Variants in CTNND2 observed in about 807,000 individuals in gnomAD.
CTNND2 encodes catenin delta-2.
CTNND2 carries 22 observed loss-of-function variants against 144.4 expected under a neutral mutation model. The ratio of observed to expected loss-of-function variants is 0.15; its 90% CI spans 0.11 to 0.22. CTNND2 has a LOEUF of 0.22. Among genes scored for constraint, CTNND2 ranks in the 10% least tolerant of loss-of-function variants. The pLI is 1.00. For synonymous variants in CTNND2, 751 were observed against 695.6 expected, an observed-to-expected ratio of 1.08 and a Z score of -1.25; for missense variants, 1,353 against 1,618.8, an observed-to-expected ratio of 0.84 and a Z score of 2.82.
rs1735913178 is a variant in CTNND2 at position 10,972,093 on chromosome 5, C to CAGTT, written c.*1356_*1359dup. ...AAAAAGTTTGGGGGAATAAGGCGAG[C>CAGTT]AGTTTACATTTTCTGTGGATACTTC... On this transcript the variant is annotated 3_prime_UTR_variant, in exon 22 of 22. Coordinates refer to ENST00000304623, the MANE Select transcript of CTNND2 (RefSeq NM_001332.4). 1 of 152,610 alleles carries CAGTT rather than the reference C, an allele frequency of 6.6e-6. No homozygotes were observed. Among genetic ancestry groups the CAGTT allele is most frequent in the African/African-American group, 2.4e-5 (1 of 41,434 alleles). 9.5% of individuals were successfully genotyped at this position (152,610 alleles called of 1,614,324 possible).
intron 15 of CTNND2, among the ~76,000 whole-genome samples, chr5:11,085,270 A>G (rs1750008950): frequency 1.3e-5 from 2 of 152,200 alleles, no homozygotes; most frequent in Non-Finnish European, 2.9e-5. Flanking sequence ...TGTTTTCCCT[A>G]AGAAAGAAAG....
chr5:11,881,851 A>T (rs374641904), intron 1 of CTNND2, among the ~76,000 whole-genome samples: 21 of 152,120 alleles, frequency 1.4e-4, no homozygotes, highest in African/African-American at 5.1e-4. Context: ...ATTTCCACCG[A>T]CAGTGTAAAA....
chr5:11,645,712 G>A (rs2126519747), intron 2 of CTNND2, among the ~76,000 whole-genome samples: 2 of 152,086 alleles, frequency 1.3e-5, no homozygotes, highest in East Asian at 3.9e-4. Flanking sequence ...TTTAGACCAG[G>A]GAAATAAAAA....
intron 15 of CTNND2, 134 bp downstream of exon 15, chr5:11,098,441 C>G: frequency 1.3e-6 from 1 of 750,240 alleles, no homozygotes; most frequent in Non-Finnish European, 2.1e-6. Context: ...TAAAACAGTT[C>G]AATATAATTT....
At chr5:11,318,732 C>T (rs970501172) in intron 9 of CTNND2, among the ~76,000 whole-genome samples, 10 of 152,014 alleles carry the variant, frequency 6.6e-5, no homozygotes, top group African/African-American at 2.4e-4. Context: ...TACAACGATG[C>T]CCTCTTTCTT....
intron 15 of CTNND2, among the ~76,000 whole-genome samples, chr5:11,091,380 T>C (rs192701899): frequency 6.6e-6 from 1 of 152,358 alleles, no homozygotes; most frequent in African/African-American, 2.4e-5. Flanking sequence ...TTTAAAATGT[T>C]TTGAACACAT....
chr5:11,845,380 C>A (rs562035092), intron 1 of CTNND2, among the ~76,000 whole-genome samples: 7 of 152,222 alleles, frequency 4.6e-5, no homozygotes, highest in African/African-American at 1.7e-4. Context: ...CATCATAACC[C>A]CCAGTACCTC....
chr5:11,579,673 A>G (rs1373906200), intron 2 of CTNND2, among the ~76,000 whole-genome samples: 1 of 152,242 alleles, frequency 6.6e-6, no homozygotes, highest in Non-Finnish European at 1.5e-5. Flanking sequence ...GCTCAACTCC[A>G]TTAAACCGAG....
At chr5:11,287,355 C>G (rs977136001) in intron 9 of CTNND2, among the ~76,000 whole-genome samples, 23 of 152,234 alleles carry the variant, frequency 1.5e-4, no homozygotes, top group African/African-American at 5.5e-4. Context: ...GACTTGAACT[C>G]TCCCTTGAGT....
chr5:11,801,188 G>A (rs960320210), intron 1 of CTNND2, among the ~76,000 whole-genome samples: 5 of 152,168 alleles, frequency 3.3e-5, no homozygotes, highest in Admixed American at 6.5e-5. Flanking sequence ...TGTCTTGTTA[G>A]CTGATGGGTA....
intron 9 of CTNND2, among the ~76,000 whole-genome samples, chr5:11,329,819 T>A (rs1350207397): frequency 6.6e-6 from 1 of 152,188 alleles, no homozygotes; most frequent in Non-Finnish European, 1.5e-5. Context: ...CCTGCCATGG[T>A]CCCAAAGCAG....
At chr5:11,392,443 C>A (rs1468737238) in intron 6 of CTNND2, among the ~76,000 whole-genome samples, 1 of 152,174 alleles carries the variant, frequency 6.6e-6, no homozygotes, top group African/African-American at 2.4e-5. Context: ...TACATGAGCA[C>A]CCGCAAAAAT....
intron 3 of CTNND2, among the ~76,000 whole-genome samples, chr5:11,543,165 T>C (rs548072968): frequency 1.4e-3 from 210 of 152,280 alleles, no homozygotes; most frequent in Non-Finnish European, 2.6e-3. Flanking sequence ...GGGCAACCAA[T>C]ATGGGCAGGG....
At chr5:11,307,052 G>A (rs1304069265) in intron 9 of CTNND2, among the ~76,000 whole-genome samples, 1 of 152,006 alleles carries the variant, frequency 6.6e-6, no homozygotes, top group African/African-American at 2.4e-5. Flanking sequence ...CCCCTGAGGT[G>A]GCCATGGGCT....
rs1750132161 is a variant in CTNND2, at chr5:11,305,815, T to C, written c.1628+40557A>G. Among the ~76,000 whole-genome samples, 3 of 152,312 alleles carry C rather than the reference T, an allele frequency of 2.0e-5. No individual in the cohort carries two copies. The South Asian group carries it at 6.2e-4, about 32-fold the overall frequency. On this transcript the variant is annotated intron_variant, in intron 9 of 21. Transcript: ENST00000304623. ...AGAACGTGTTCTTCTCGAGCGCATCTGAGAGATGAGTAGGGTTGGCCAAGT... is the reference window on the plus strand; with the variant it reads ...AGAACGTGTTCTTCTCGAGCGCATCCGAGAGATGAGTAGGGTTGGCCAAGT...
intron 12 of CTNND2, among the ~76,000 whole-genome samples, chr5:11,130,407 AG>A (rs1755472251): frequency 6.6e-6 from 1 of 152,162 alleles, no homozygotes; most frequent in Non-Finnish European, 1.5e-5. Flanking sequence ...GTTCCAGAGA[AG>A]CCCAGAGCGG....
chr5:11,771,978 T>G lies in CTNND2; in HGVS notation c.38-39706A>C, dbSNP rs761857176. ...GGTACTAGGATTTTCTAGTCAAGTT[T>G]GCTGATCCAAAGGACAGTTACTTCA... On this transcript the variant is annotated intron_variant, in intron 1 of 21. Transcript: ENST00000304623. Among the ~76,000 whole-genome samples the G allele has an allele frequency of 2.0e-5, 3 of 152,224 alleles. No homozygotes were observed. The East Asian group carries it at 5.8e-4, about 29-fold the overall frequency.
chr5:11,894,317 A>G (rs1240715792), intron 1 of CTNND2, among the ~76,000 whole-genome samples: 1 of 152,200 alleles, frequency 6.6e-6, no homozygotes, highest in Non-Finnish European at 1.5e-5. Flanking sequence ...AGGAAAAAAT[A>G]CAAGAAACTT....
At position 11,384,644 on chromosome 5, in the gene CTNND2, C is replaced by A; in HGVS notation, c.1177+21G>T. On this transcript the variant is annotated intron_variant, in intron 7 of 21. Coordinates refer to ENST00000304623, the MANE Select transcript of CTNND2 (RefSeq NM_001332.4). This position sits in a 1 kb window ranked among gnomAD's most constrained non-coding sequence, Gnocchi z 5.2. Reference sequence around the variant, plus strand: ...CGCCACGCGCCCAGGTGAGTCGCGCCAGGTGGCAGCGAGCCTTTACCTGCC... The same window carrying A: ...CGCCACGCGCCCAGGTGAGTCGCGCAAGGTGGCAGCGAGCCTTTACCTGCC... The A allele has an allele frequency of 6.3e-7, 1 of 1,586,890 alleles. No individual in the cohort carries two copies.
Sources: allele counts gnomAD v4.1 joint callset (sites outside exome capture counted in the v4.1 genomes callset), GRCh38; gene constraint gnomAD v4.1.1; non-coding constraint Gnocchi (gnomAD v3.1); transcripts MANE v1.5; gene names NCBI Gene and HGNC (gene_info 2026-07-23, HGNC 2026-07-21).